The following THRAP3 variants were observed in gnomAD, a reference collection of about 807,000 sequenced individuals.
THRAP3 encodes the protein thyroid hormone receptor-associated protein 3.
THRAP3 carries 16 observed loss-of-function variants against 101.0 expected under a neutral mutation model. That is an observed-to-expected ratio of 0.16 (90% CI 0.11 to 0.24). The LOEUF (loss-of-function observed/expected upper bound fraction) is 0.24. Ranked by LOEUF, THRAP3 falls within the 10% of genes least tolerant of loss-of-function variation. THRAP3 has a pLI of 1.00. For synonymous variants in THRAP3, 407 were observed against 422.6 expected (o/e 0.96, Z 0.45); for missense variants, 989 against 1,202.7 (o/e 0.82, Z 2.63).
upstream of THRAP3, among the ~76,000 whole-genome samples, chr1:36,219,974 G>A (rs1001755327): frequency 1.3e-5 from 2 of 152,100 alleles, no homozygotes; most frequent in Non-Finnish European, 2.9e-5. Flanking sequence ...TCTACAAATG[G>A]AACAACAAAG....
rs952482576 is a variant in THRAP3 at position 36,247,982 on chromosome 1, C to T, written c.-134-11400C>T. On this transcript the variant is annotated intron_variant, in intron 1 of 11. Transcript: ENST00000354618. ...GCAACCTCCACCTCCCAGGTTCAAG[C>T]GATTTTCCTGCCTCAGCCCCCCGAG... Among the ~76,000 whole-genome samples, 11 of 151,168 alleles carry T rather than the reference C, an allele frequency of 7.3e-5. No homozygotes were observed. In the Admixed American group the frequency reaches 7.3e-4, roughly 10 times the overall value.
chr1:36,273,484 G>A (rs979840969), intron 2 of THRAP3, among the ~76,000 whole-genome samples: 1 of 152,192 alleles, frequency 6.6e-6, no homozygotes, highest in Admixed American at 6.5e-5. Context: ...AAAGGTGCAA[G>A]ACTGAATGCT....
chr1:36,291,268 G>A, intron 5 of THRAP3, 106 bp from the exon 6 acceptor site: 1 of 1,200,280 alleles, frequency 8.3e-7, no homozygotes, highest in East Asian at 2.6e-5. Flanking sequence ...AGGAAGAAAA[G>A]AAGTTTATAG....
chr1:36,216,888 C>T, the THRAP3 span, among the ~76,000 whole-genome samples: 1 of 152,226 alleles, frequency 6.6e-6, no homozygotes, highest in Non-Finnish European at 1.5e-5. Context: ...GACCTCTGTT[C>T]TGTGCTATCA....
chr1:36,220,150 C>T (rs1353314913), upstream of THRAP3, among the ~76,000 whole-genome samples: 1 of 152,050 alleles, frequency 6.6e-6, no homozygotes, highest in Non-Finnish European at 1.5e-5. Flanking sequence ...CACACCACCA[C>T]GCCCAGCTAT....
chr1:36,288,171 C>G (rs1349217918), intron 4 of THRAP3: 16 of 957,848 alleles, frequency 1.7e-5, no homozygotes, highest in Non-Finnish European at 6.2e-6. Context: ...TTATTTATTT[C>G]AATAGGTTTT....
intron 2 of THRAP3, among the ~76,000 whole-genome samples, chr1:36,260,949 C>T (rs1238251813): frequency 6.6e-6 from 1 of 151,838 alleles, no homozygotes; most frequent in Non-Finnish European, 1.5e-5. Flanking sequence ...GTTGTGTTTA[C>T]TTTTCCTTTT....
chr1:36,282,628 C>A lies in THRAP3; in HGVS notation c.65C>A (p.Ser22Tyr). 1 of 1,614,128 alleles carries A rather than the reference C, an allele frequency of 6.2e-7. No homozygotes were observed. The highest frequency in any genetic ancestry group is 8.5e-7 in the Non-Finnish European group (1 of 1,180,024). The change falls in exon 3 of 12, where the codon TCT (serine) becomes TAT (tyrosine). Residue 22 changes from serine to tyrosine, a missense_variant. By Grantham distance (144) the Ser-to-Tyr change is moderately radical. Coordinates refer to ENST00000354618, the MANE Select transcript of THRAP3 (RefSeq NM_005119.4). ...RSSRSRSASR[S>Y]RSRSFSKSRS... ...TCTCGCTCAAGATCTGCATCAAGATCTCGTTCTCGTTCATTTTCGAAGTCT... is the reference window on the plus strand; with the variant it reads ...TCTCGCTCAAGATCTGCATCAAGATATCGTTCTCGTTCATTTTCGAAGTCT...
the THRAP3 span, among the ~76,000 whole-genome samples, chr1:36,210,365 CAAAAAAAAAAAAAAAAAG>C: frequency 2.0e-5 from 1 of 49,606 alleles, no homozygotes; most frequent in East Asian, 5.7e-4. Flanking sequence ...GACTCCATCT[CAAAAAAAAAAAAAAAAAG>C]AAAAAAATTA....
At chr1:36,270,838 A>G (rs975613387) in intron 2 of THRAP3, among the ~76,000 whole-genome samples, 4 of 152,096 alleles carry the variant, frequency 2.6e-5, no homozygotes, top group Admixed American at 6.5e-5. Flanking sequence ...CGGACTCCCA[A>G]AGTGCTGAGA....
rs77184664 is a variant in THRAP3 at position 36,233,674 on chromosome 1, G to A, written c.-135+9169G>A. Among the ~76,000 whole-genome samples, 736 of 152,252 alleles carry A rather than the reference G, an allele frequency of 4.8e-3. 3 individuals carry two copies. Among genetic ancestry groups the A allele is most frequent in the African/African-American group, 0.017 (696 of 41,538 alleles). On this transcript the variant is annotated intron_variant, in intron 1 of 11. Transcript: ENST00000354618. ...CCAGCTACTTAGGGGGCTGAGGCAGGAGGATTGCTTGAACCCAGGAGGTTG... is the reference window on the plus strand; with the variant it reads ...CCAGCTACTTAGGGGGCTGAGGCAGAAGGATTGCTTGAACCCAGGAGGTTG...
chr1:36,239,337 A>G (rs561357877), intron 1 of THRAP3, among the ~76,000 whole-genome samples: 80 of 146,644 alleles, frequency 5.5e-4, no homozygotes, highest in Middle Eastern at 3.5e-3. Context: ...TCAGCTTACT[A>G]CAACCTCCGC....
chr1:36,265,836 CT>C, intron 2 of THRAP3, among the ~76,000 whole-genome samples: 1 of 152,002 alleles, frequency 6.6e-6, no homozygotes, highest in East Asian at 1.9e-4. Flanking sequence ...CCTTTGCCCC[CT>C]ACCCCCTAAA....
intron 2 of THRAP3, among the ~76,000 whole-genome samples, chr1:36,274,042 CA>C (rs35623670): frequency 0.025 from 1,977 of 78,948 alleles, 43 homozygotes; most frequent in African/African-American, 0.073. Flanking sequence ...GACTCCACCT[CA>C]AAAAAAAAAA....
chr1:36,291,305 A>G, intron 5 of THRAP3, 69 bp from the exon 6 acceptor site: 1 of 1,473,442 alleles, frequency 6.8e-7, no homozygotes, highest in Non-Finnish European at 9.1e-7. Context: ...TCAAAAAAGT[A>G]TTTTTATGGT....
At chr1:36,258,633 G>A (rs1645405687) in intron 1 of THRAP3, among the ~76,000 whole-genome samples, 1 of 152,062 alleles carries the variant, frequency 6.6e-6, no homozygotes, top group Non-Finnish European at 1.5e-5. Context: ...CTGCTGCCAC[G>A]CCTGGCTAAT....
At chr1:36,207,663 C>T in the THRAP3 span, among the ~76,000 whole-genome samples, 575 of 152,284 alleles carry the variant, frequency 3.8e-3, 35 homozygotes, top group South Asian at 0.11. Flanking sequence ...AACCTCAAGA[C>T]GTTTCTCTGC....
the THRAP3 span, among the ~76,000 whole-genome samples, chr1:36,212,439 G>C: frequency 3.7e-5 from 1 of 27,084 alleles, no homozygotes; most frequent in Non-Finnish European, 6.5e-5. Flanking sequence ...TTTTTTTTTT[G>C]AGACTGAGTC....
At chr1:36,245,617 C>T (rs992612973) in intron 1 of THRAP3, among the ~76,000 whole-genome samples, 1 of 152,044 alleles carries the variant, frequency 6.6e-6, no homozygotes, top group Non-Finnish European at 1.5e-5. Flanking sequence ...CTGATCCATC[C>T]CCTTATCCCA....
Sources: gnomAD v4.1 joint callset for allele counts (sites outside exome capture counted in the v4.1 genomes callset) on GRCh38, gnomAD v4.1.1 for gene constraint, MANE v1.5 for transcripts, NCBI Gene and HGNC (gene_info 2026-07-23, HGNC 2026-07-21) for gene names.